PHLPP1: variants seen among roughly 807,000 people sequenced by gnomAD.
PHLPP1 encodes the protein PH domain leucine-rich repeat-containing protein phosphatase 1.
Under a neutral mutation model 117.2 loss-of-function variants are expected in PHLPP1, and 42 were observed. The ratio of observed to expected loss-of-function variants is 0.36; its 90% CI spans 0.28 to 0.46. The LOEUF (loss-of-function observed/expected upper bound fraction) is 0.46. Ranked by LOEUF, PHLPP1 falls within the 20% of genes least tolerant of loss-of-function variation. The pLI is 1.00. For synonymous variants in PHLPP1, 1,042 were observed against 970.7 expected, an observed-to-expected ratio of 1.07 and a Z score of -1.37; for missense variants, 2,084 against 2,241.9, an observed-to-expected ratio of 0.93 and a Z score of 1.42.
In PHLPP1 at chr18:62,795,275, C is replaced by A. The variant is rs13381539; in HGVS notation, c.1577-34760C>A. Among the ~76,000 whole-genome samples the A allele has an allele frequency of 4.8e-3, 737 of 151,988 alleles. 4 individuals carry two copies. The highest frequency in any genetic ancestry group is 0.017 in the African/African-American group (705 of 41,470). On this transcript the variant is annotated intron_variant, in intron 1 of 16. Coordinates refer to ENST00000262719, the MANE Select transcript of PHLPP1 (RefSeq NM_194449.4). Reference sequence around the variant, plus strand: ...GGCGGATTCCCTGAGCTCAGGAGTTCACAACGAGCCTTGGCAACACGGTGA... The same window carrying A: ...GGCGGATTCCCTGAGCTCAGGAGTTAACAACGAGCCTTGGCAACACGGTGA...
chr18:62,769,225 G>T (rs555895851), intron 1 of PHLPP1, among the ~76,000 whole-genome samples: 1 of 152,292 alleles, frequency 6.6e-6, no homozygotes, highest in South Asian at 2.1e-4. Context: ...AATTTTAGTG[G>T]AACATTAGAT....
At chr18:62,833,768 A>G (rs778270722) in intron 2 of PHLPP1, among the ~76,000 whole-genome samples, 51 of 152,122 alleles carry the variant, frequency 3.4e-4, no homozygotes, top group Non-Finnish European at 6.8e-4. Context: ...AATTTTCATA[A>G]TTCCTTAAGT....
chr18:62,861,591 T>G (rs74823600), intron 4 of PHLPP1, among the ~76,000 whole-genome samples: 3,949 of 152,368 alleles, frequency 0.026, 76 homozygotes, highest in Non-Finnish European at 0.042. Context: ...CTGCAAAGAA[T>G]ATAACTTTTA....
At chr18:62,776,166 CATGTT>C (rs745690217) in intron 1 of PHLPP1, among the ~76,000 whole-genome samples, 13 of 152,132 alleles carry the variant, frequency 8.5e-5, no homozygotes, top group Non-Finnish European at 1.3e-4. Flanking sequence ...GCTGGAAACT[CATGTT>C]AAGATTCTGT....
At chr18:62,735,546 C>T (rs1239035808) in intron 1 of PHLPP1, among the ~76,000 whole-genome samples, 2 of 150,372 alleles carry the variant, frequency 1.3e-5, no homozygotes, top group African/African-American at 4.9e-5. Flanking sequence ...CATACTTCCC[C>T]TTCCCAGCCC....
intron 3 of PHLPP1, among the ~76,000 whole-genome samples, chr18:62,846,634 G>A (rs1915190003): frequency 6.6e-6 from 1 of 151,602 alleles, no homozygotes; most frequent in Admixed American, 6.6e-5. Flanking sequence ...ATGACTGTAA[G>A]TTACCCAGTA....
At chr18:62,926,444 G>T (rs202005851) in intron 10 of PHLPP1, among the ~76,000 whole-genome samples, 1 of 152,300 alleles carries the variant, frequency 6.6e-6, no homozygotes. Flanking sequence ...TATCAGAAGA[G>T]TTCTGCCTGT....
At chr18:62,934,674 T>G (rs1909917494) in intron 10 of PHLPP1, among the ~76,000 whole-genome samples, 1 of 152,156 alleles carries the variant, frequency 6.6e-6, no homozygotes. Context: ...ATTTACCCGT[T>G]TAACAAACCT....
At chr18:62,877,737 G>C (rs1285210885) in intron 4 of PHLPP1, among the ~76,000 whole-genome samples, 1 of 152,160 alleles carries the variant, frequency 6.6e-6, no homozygotes, top group Non-Finnish European at 1.5e-5. Flanking sequence ...TTCCTTCCCA[G>C]AGAATTTGAG....
intron 4 of PHLPP1, among the ~76,000 whole-genome samples, chr18:62,878,664 G>A (rs1451143934): frequency 6.6e-6 from 1 of 152,106 alleles, no homozygotes; most frequent in Non-Finnish European, 1.5e-5. Context: ...CCCTGGTGAT[G>A]TCTTTTGGAC....
At chr18:62,892,808 G>A (rs1432557290) in intron 4 of PHLPP1, among the ~76,000 whole-genome samples, 4 of 150,528 alleles carry the variant, frequency 2.7e-5, no homozygotes, top group Non-Finnish European at 4.4e-5. Flanking sequence ...CCCAGGAGGC[G>A]GAGCTTGCAG....
chr18:62,857,137 G>C (rs1009828197), intron 3 of PHLPP1, among the ~76,000 whole-genome samples: 3 of 152,162 alleles, frequency 2.0e-5, no homozygotes, highest in African/African-American at 7.2e-5. Flanking sequence ...AAAAAATAAA[G>C]AAGGGTTGCA....
chr18:62,838,492 C>T (rs1279887417), intron 2 of PHLPP1: 3 of 256,852 alleles, frequency 1.2e-5, no homozygotes, highest in Admixed American at 1.0e-4. Flanking sequence ...ACCCCAGCAC[C>T]CTATTGTGAG....
At position 62,717,365 on chromosome 18, in the gene PHLPP1, C is replaced by T. The variant is rs980780356; in HGVS notation, c.1576+106C>T. The T allele has an allele frequency of 7.8e-6, 11 of 1,415,668 alleles. No homozygotes were observed. In the African/African-American group the frequency reaches 1.3e-4, roughly 17 times the overall value. 87.7% of individuals were successfully genotyped at this position (1,415,668 alleles called of 1,614,324 possible). A position where few individuals can be genotyped will look rare whatever the true frequency, so the allele number is the denominator to read the frequency against. ...CCCAACCCAAGAGTAAGTGCGGGTC[C>T]TGATGAGTCTTTGTCTTAAACTTTA... On this transcript the variant is annotated intron_variant, in intron 1 of 16. Coordinates refer to ENST00000262719, the MANE Select transcript of PHLPP1 (RefSeq NM_194449.4).
chr18:62,884,015 C>G (rs1385967326), intron 4 of PHLPP1, among the ~76,000 whole-genome samples: 1 of 152,190 alleles, frequency 6.6e-6, no homozygotes, highest in Non-Finnish European at 1.5e-5. Context: ...GTGGATGTTT[C>G]TTGCAGAATT....
chr18:62,804,756 T>A (rs993189790), intron 1 of PHLPP1, among the ~76,000 whole-genome samples: 6 of 150,932 alleles, frequency 4.0e-5, no homozygotes, highest in Non-Finnish European at 5.9e-5. Context: ...CAGGCTGGTA[T>A]AATATACAGT....
At position 62,716,191 on chromosome 18, in the gene PHLPP1, C is replaced by T; in HGVS notation, c.508C>T (p.Arg170Trp). 1.3e-6 allele frequency: 2 copies of T among 1,520,762 alleles called. No individual in the cohort carries two copies. The highest frequency in any genetic ancestry group is 1.8e-6 in the Non-Finnish European group (2 of 1,140,170). The allele number at this position is 1,520,762 out of a possible 1,614,324, so 94.2% of individuals were successfully genotyped here. Residue 170 changes from arginine to tryptophan, a missense_variant, in exon 1 of 17, where the codon CGG becomes TGG. By Grantham distance (101) the Arg-to-Trp change is moderately radical. This residue lies in a region of PHLPP1 where 719 missense variants were observed against 636.0 expected (regional missense o/e 1.13). Coordinates refer to ENST00000262719, the MANE Select transcript of PHLPP1 (RefSeq NM_194449.4). This position sits in a 1 kb window ranked among gnomAD's most constrained non-coding sequence, Gnocchi z 5.7. ...CTCGGCCTCGGCGTCGCTGTGCACC[C>T]GGAGCCTGGACAGGAAGACGCTGCT... is the stretch of plus-strand genomic sequence containing the variant. Reference protein sequence around the residue: ...SCSASASLCTRSLDRKTLLLK... With the variant: ...SCSASASLCTWSLDRKTLLLK...
At chr18:62,883,576 C>T (rs530537434) in intron 4 of PHLPP1, among the ~76,000 whole-genome samples, 8 of 152,178 alleles carry the variant, frequency 5.3e-5, no homozygotes, top group Non-Finnish European at 1.2e-4. Context: ...GGGACCCTCT[C>T]TTACATGACT....
At chr18:62,727,900 G>A (rs141123046) in intron 1 of PHLPP1, among the ~76,000 whole-genome samples, 4 of 152,104 alleles carry the variant, frequency 2.6e-5, no homozygotes, top group Non-Finnish European at 5.9e-5. Context: ...TGTGGATTCT[G>A]TATCATCTCT....
Sources: gnomAD v4.1 joint callset for allele counts (sites outside exome capture counted in the v4.1 genomes callset) on GRCh38, gnomAD v4.1.1 for gene constraint, gnomAD v4.1.1 regional missense constraint, Gnocchi (gnomAD v3.1) non-coding constraint, MANE v1.5 for transcripts, NCBI Gene and HGNC (gene_info 2026-07-23, HGNC 2026-07-21) for gene names.